Variants in KLRD1 observed in about 807,000 individuals in gnomAD.
KLRD1 encodes the protein natural killer cells antigen CD94.
KLRD1 carries 21 observed loss-of-function variants against 22.6 expected under a neutral mutation model. The ratio of observed to expected loss-of-function variants is 0.93; its 90% CI spans 0.66 to 1.34. KLRD1 has a LOEUF of 1.34. KLRD1 is among the 40% of genes most tolerant of loss of function. The pLI, the probability that KLRD1 is intolerant of heterozygous loss-of-function variation, is 0.00. For missense variants in KLRD1, 183 were observed against 208.6 expected, an observed-to-expected ratio of 0.88 and a Z score of 0.76; for synonymous variants, 59 against 71.1, an observed-to-expected ratio of 0.83 and a Z score of 0.85.
upstream of KLRD1, among the ~76,000 whole-genome samples, chr12:10,304,788 A>G (rs1592076358): frequency 6.6e-6 from 1 of 152,274 alleles, no homozygotes; most frequent in East Asian, 1.9e-4. Context: ...ATTGATAAGG[A>G]TTTTGCAAGC....
intron 1 of KLRD1, among the ~76,000 whole-genome samples, chr12:10,241,283 A>G (rs1949239128): frequency 6.6e-6 from 1 of 152,194 alleles, no homozygotes; most frequent in African/African-American, 2.4e-5. Flanking sequence ...GGTTTGTATA[A>G]GAGTTTGCAG....
chr12:10,309,073 CTTG>C, intron 1 of KLRD1: 1 of 220,774 alleles, frequency 4.5e-6, no homozygotes, highest in Non-Finnish European at 8.9e-6. Context: ...CAACGTGGTG[CTTG>C]TTAATATCTT....
upstream of KLRD1, among the ~76,000 whole-genome samples, chr12:10,306,328 C>T (rs1293400131): frequency 6.6e-6 from 1 of 151,788 alleles, no homozygotes; most frequent in African/African-American, 2.4e-5. Context: ...TTGAAGTAAA[C>T]TTGTATTTGT....
rs760677584 is a variant in KLRD1 at position 10,290,006 on chromosome 12, G to C, written c.-100-17972G>C. ...CTTGTCAGGCTGGTCTTGAACTCCCGACTCAGGTGATCCGCCCACCTCGGC... is the reference window on the plus strand; with the variant it reads ...CTTGTCAGGCTGGTCTTGAACTCCCCACTCAGGTGATCCGCCCACCTCGGC... On this transcript the variant is annotated intron_variant, in intron 1 of 5. Transcript: ENST00000544747. Among the ~76,000 whole-genome samples, 29 of 152,166 alleles carry C rather than the reference G, an allele frequency of 1.9e-4. 1 individual carries two copies. Among genetic ancestry groups the C allele is most frequent in the Admixed American group, 1.2e-3 (19 of 15,276 alleles).
At chr12:10,291,856 C>T (rs1949773670) in intron 1 of KLRD1, among the ~76,000 whole-genome samples, 1 of 152,028 alleles carries the variant, frequency 6.6e-6, no homozygotes, top group Non-Finnish European at 1.5e-5. Context: ...TGTGTTCTCA[C>T]TCTTCCACTC....
chr12:10,240,724 A>G (rs1949233430), intron 1 of KLRD1, among the ~76,000 whole-genome samples: 1 of 152,190 alleles, frequency 6.6e-6, no homozygotes, highest in Non-Finnish European at 1.5e-5. Context: ...AATATCAGAC[A>G]TCATGTGATT....
intron 1 of KLRD1, among the ~76,000 whole-genome samples, chr12:10,242,458 GGTGGATA>G: frequency 1.3e-5 from 2 of 152,200 alleles, no homozygotes; most frequent in East Asian, 1.9e-4. Context: ...TGTACCATCT[GGTGGATA>G]GTGGATAGTT....
At chr12:10,243,288 C>T (rs944151164) in intron 1 of KLRD1, among the ~76,000 whole-genome samples, 10 of 152,072 alleles carry the variant, frequency 6.6e-5, no homozygotes, top group African/African-American at 1.9e-4. Flanking sequence ...ATCAAACCCC[C>T]GAAATATATA....
intron 1 of KLRD1, among the ~76,000 whole-genome samples, chr12:10,242,073 T>TTTG (rs1949246865): frequency 6.8e-6 from 1 of 147,028 alleles, no homozygotes; most frequent in African/African-American, 2.5e-5. Context: ...TTCTTGCTGT[T>TTTG]TTTTTTTTTT....
chr12:10,272,665 G>T (rs984648787), intron 1 of KLRD1, among the ~76,000 whole-genome samples: 4 of 152,214 alleles, frequency 2.6e-5, no homozygotes, highest in Admixed American at 6.5e-5. Flanking sequence ...GTCAGAATGA[G>T]ATGGGACCAA....
rs1950177322 is a variant in KLRD1, at chr12:10,314,522, A to G, written c.420-151A>G. The G allele has an allele frequency of 5.4e-6, 3 of 555,632 alleles. No homozygotes were observed. The East Asian group carries it at 1.1e-4, about 20-fold the overall frequency. 34.4% of individuals were successfully genotyped at this position (555,632 alleles called of 1,614,324 possible). On this transcript the variant is annotated intron_variant, in intron 5 of 5. Transcript: ENST00000336164. The stretch of plus-strand genomic sequence containing the variant: ...GTATTTTGTAGCATTACACTAGAAA[A>G]TCATGAAAATTGTGGTTACTGAAAA...
rs1353826643 is a variant in KLRD1 at position 10,314,973 on chromosome 12, C to CA, written c.*181dup. The CA allele has an allele frequency of 4.2e-6, 2 of 475,678 alleles. No homozygotes were observed. The highest frequency in any genetic ancestry group is 4.1e-5 in the African/African-American group (2 of 48,786). 29.5% of individuals were successfully genotyped at this position (475,678 alleles called of 1,614,324 possible). A position where few individuals can be genotyped will look rare whatever the true frequency, so the allele number is the denominator to read the frequency against. On this transcript the variant is annotated 3_prime_UTR_variant, in exon 6 of 6. Transcript: ENST00000336164. Reference sequence around the variant, plus strand: ...TGTTTTAAAATTGATGAAATTCGTTCACCTACATTTGAGAATTATAAAATT... The same window carrying CA: ...TGTTTTAAAATTGATGAAATTCGTTCAACCTACATTTGAGAATTATAAAATT...
chr12:10,288,943 A>G (rs976622838), intron 1 of KLRD1, among the ~76,000 whole-genome samples: 4 of 152,150 alleles, frequency 2.6e-5, no homozygotes, highest in African/African-American at 9.7e-5. Context: ...CTGATTCTTC[A>G]TCTCCTGTTT....
chr12:10,240,208 G>C (rs972786671), intron 1 of KLRD1, among the ~76,000 whole-genome samples: 10 of 151,696 alleles, frequency 6.6e-5, no homozygotes, highest in Admixed American at 6.6e-4. Context: ...CCACAGGTGC[G>C]CACCATCATG....
rs1017736595 is a variant in KLRD1, at chr12:10,322,409, A to G, written c.*7616A>G. 5.3e-5 allele frequency: 8 copies of G among 151,998 alleles called. No individual in the cohort carries two copies. The highest frequency in any genetic ancestry group is 1.7e-4 in the African/African-American group (7 of 41,414). The allele number at this position is 151,998 out of a possible 1,614,324, so 9.4% of individuals were successfully genotyped here. A position where few individuals can be genotyped will look rare whatever the true frequency, so the allele number is the denominator to read the frequency against. On this transcript the variant is annotated 3_prime_UTR_variant, in exon 6 of 6. Transcript: ENST00000336164. ...ATTATATTTCCTTCTTTGAGGTTCT[A>G]TTGTTATAACCCTTATACAATAAAA...
chr12:10,310,203 C>G (rs986490297), intron 3 of KLRD1, among the ~76,000 whole-genome samples: 4 of 152,170 alleles, frequency 2.6e-5, no homozygotes, highest in Non-Finnish European at 4.4e-5. Flanking sequence ...CATCAGCCTC[C>G]CTGGTTCAAG....
intron 1 of KLRD1, among the ~76,000 whole-genome samples, chr12:10,284,851 C>T (rs1417671415): frequency 2.0e-5 from 3 of 152,000 alleles, no homozygotes; most frequent in Admixed American, 2.0e-4. Flanking sequence ...CATGGTGGTG[C>T]ATGCCTGTAA....
chr12:10,269,435 G>A (rs1949529481), intron 1 of KLRD1, among the ~76,000 whole-genome samples: 1 of 152,214 alleles, frequency 6.6e-6, no homozygotes. Flanking sequence ...GCAGGCGTGA[G>A]CCACCACGCT....
intron 1 of KLRD1, among the ~76,000 whole-genome samples, chr12:10,297,964 C>A (rs964394876): frequency 2.6e-4 from 39 of 152,176 alleles, no homozygotes; most frequent in African/African-American, 8.9e-4. Context: ...ACTTGAACTT[C>A]TTTTCTCCCT....
Sources: allele counts gnomAD v4.1 joint callset (sites outside exome capture counted in the v4.1 genomes callset), GRCh38; gene constraint gnomAD v4.1.1; transcripts MANE v1.5; gene names NCBI Gene and HGNC (gene_info 2026-07-23, HGNC 2026-07-21).